PRKN: variants seen among roughly 807,000 people sequenced by gnomAD.
PRKN encodes E3 ubiquitin-protein ligase parkin.
In PRKN, 56 loss-of-function variants were observed where a neutral mutation model predicts 59.5. That is an observed-to-expected ratio of 0.94 (90% CI 0.76 to 1.18). PRKN has a LOEUF of 1.18. PRKN is among the 50% of genes most tolerant of loss of function. The pLI is 0.00. For synonymous variants in PRKN, 250 were observed against 222.1 expected (o/e 1.13, Z -1.12); for missense variants, 657 against 596.4 (o/e 1.10, Z -1.06).
At chr6:162,102,584 G>A (rs1780017156) in intron 4 of PRKN, among the ~76,000 whole-genome samples, 1 of 152,038 alleles carries the variant, frequency 6.6e-6, no homozygotes, top group South Asian at 2.1e-4. Flanking sequence ...ACTATTTTTT[G>A]CACAAATATT....
At chr6:162,569,422 G>A (rs1780218853) in intron 1 of PRKN, 7 of 683,210 alleles carry the variant, frequency 1.0e-5, no homozygotes, top group South Asian at 9.6e-5. Context: ...ACATGAAGCT[G>A]GCCCTGGACA....
At chr6:161,638,834 C>A (rs1051309595) in intron 7 of PRKN, among the ~76,000 whole-genome samples, 1 of 150,630 alleles carries the variant, frequency 6.6e-6, no homozygotes, top group South Asian at 2.1e-4. Flanking sequence ...CTCCACCTCC[C>A]GGGCTCATGC....
intron 9 of PRKN, among the ~76,000 whole-genome samples, chr6:161,489,073 C>T (rs906240704): frequency 6.6e-6 from 1 of 152,142 alleles, no homozygotes; most frequent in African/African-American, 2.4e-5. Context: ...TAAAAAGAGT[C>T]TCAAAAATCA....
chr6:162,010,444 G>A (rs111218766), intron 5 of PRKN, among the ~76,000 whole-genome samples: 5,231 of 19,080 alleles, frequency 0.27, 533 homozygotes, highest in Admixed American at 0.39. Context: ...TAATATTTAT[G>A]ATATATAATG....
intron 2 of PRKN, among the ~76,000 whole-genome samples, chr6:162,418,995 A>G (rs1788810051): frequency 6.6e-6 from 1 of 151,900 alleles, no homozygotes; most frequent in Non-Finnish European, 1.5e-5. Flanking sequence ...GGGAACATAC[A>G]GGTAGGCAAG....
rs548813153 is a variant in PRKN, at chr6:161,773,468, A to G, written c.871+12304T>C. ...TCTATCATCTATCTATCTATTATCA[A>G]TCAATCAACCCATCCATCCATTCAT... On this transcript the variant is annotated intron_variant, in intron 7 of 11. Transcript: ENST00000366898. 2.2e-4 allele frequency among the ~76,000 whole-genome samples: 33 copies of G among 152,222 alleles called. 1 individual carries two copies. In the South Asian group the frequency reaches 6.8e-3, roughly 32 times the overall value.
chr6:162,249,335 T>C (rs112185452), intron 3 of PRKN, among the ~76,000 whole-genome samples: 7 of 152,322 alleles, frequency 4.6e-5, no homozygotes, highest in East Asian at 1.9e-4. Context: ...CAGGATACAA[T>C]TGAACAAATT....
chr6:162,548,586 G>C (rs895191184), intron 1 of PRKN, among the ~76,000 whole-genome samples: 2 of 152,164 alleles, frequency 1.3e-5, no homozygotes, highest in African/African-American at 2.4e-5. Context: ...TAGTTAGATG[G>C]ATTGTAATAC....
chr6:161,435,578 C>T (rs1415481783), intron 9 of PRKN, among the ~76,000 whole-genome samples: 2 of 151,780 alleles, frequency 1.3e-5, no homozygotes, highest in African/African-American at 4.8e-5. Flanking sequence ...CCCGTTTTAC[C>T]ATTGCAGAAA....
intron 7 of PRKN, among the ~76,000 whole-genome samples, chr6:161,769,367 C>A (rs1434511374): frequency 6.6e-6 from 1 of 152,126 alleles, no homozygotes; most frequent in Non-Finnish European, 1.5e-5. Context: ...ACGAGGAAAT[C>A]AGCTCGACAT....
intron 1 of PRKN, among the ~76,000 whole-genome samples, chr6:162,502,223 C>G (rs1420732450): frequency 6.6e-6 from 1 of 152,118 alleles, no homozygotes; most frequent in Non-Finnish European, 1.5e-5. Context: ...TCCAGTGGTG[C>G]GATCATGTCT....
intron 4 of PRKN, among the ~76,000 whole-genome samples, chr6:162,101,576 G>T (rs1583033315): frequency 6.6e-6 from 1 of 152,056 alleles, no homozygotes; most frequent in Non-Finnish European, 1.5e-5. Flanking sequence ...GGAGGCTGAG[G>T]CAGGAGAATG....
intron 3 of PRKN, among the ~76,000 whole-genome samples, chr6:162,226,421 A>C (rs1438918482): frequency 6.6e-6 from 1 of 152,308 alleles, no homozygotes; most frequent in East Asian, 1.9e-4. Context: ...CACAACAAGC[A>C]TGAAACCAGT....
At chr6:161,878,005 T>G (rs550326832) in intron 6 of PRKN, among the ~76,000 whole-genome samples, 4 of 152,202 alleles carry the variant, frequency 2.6e-5, no homozygotes, top group African/African-American at 9.6e-5. Flanking sequence ...TGGCCGACAC[T>G]TGGAGGTGTT....
chr6:162,060,212 A>C (rs1582972145), intron 4 of PRKN, among the ~76,000 whole-genome samples: 2 of 152,354 alleles, frequency 1.3e-5, no homozygotes, highest in South Asian at 4.1e-4. Context: ...TTGTATGAGT[A>C]GGTATGTCCT....
intron 7 of PRKN, among the ~76,000 whole-genome samples, chr6:161,756,653 G>C (rs1048229287): frequency 2.7e-5 from 4 of 149,602 alleles, no homozygotes; most frequent in African/African-American, 9.9e-5. Context: ...TTTTTAAATA[G>C]AGATTCATGG....
chr6:162,434,517 A>G (rs1274132198), intron 2 of PRKN, among the ~76,000 whole-genome samples: 1 of 151,820 alleles, frequency 6.6e-6, no homozygotes, highest in Non-Finnish European at 1.5e-5. Flanking sequence ...ATTTGAAAAA[A>G]AAAGTTAACA....
At chr6:162,144,275 C>G (rs1234055095) in intron 4 of PRKN, among the ~76,000 whole-genome samples, 1 of 152,186 alleles carries the variant, frequency 6.6e-6, no homozygotes, top group Non-Finnish European at 1.5e-5. Flanking sequence ...ATGATAAAAA[C>G]ACATAAAATA....
chr6:161,417,959 T>C lies in PRKN; in HGVS notation c.1084-31082A>G, dbSNP rs1787927417. Reference sequence around the variant, plus strand: ...GTAATGCTGGGAGCTGCAGGCTGGCTTCCCACGCTCCCTCCTGGGCCTGGC... The same window carrying C: ...GTAATGCTGGGAGCTGCAGGCTGGCCTCCCACGCTCCCTCCTGGGCCTGGC... On this transcript the variant is annotated intron_variant, in intron 9 of 11. Coordinates refer to ENST00000366898, the MANE Select transcript of PRKN (RefSeq NM_004562.3). This position sits in a 1 kb window ranked among gnomAD's most constrained non-coding sequence, Gnocchi z 5.4. Among the ~76,000 whole-genome samples the C allele has an allele frequency of 6.6e-6, 1 of 152,150 alleles. No homozygotes were observed. The highest frequency in any genetic ancestry group is 2.4e-5 in the African/African-American group (1 of 41,428).
Sources: gnomAD v4.1 joint callset for allele counts (sites outside exome capture counted in the v4.1 genomes callset) on GRCh38, gnomAD v4.1.1 for gene constraint, Gnocchi (gnomAD v3.1) non-coding constraint, MANE v1.5 for transcripts, NCBI Gene and HGNC (gene_info 2026-07-23, HGNC 2026-07-21) for gene names.